The following NKAIN2 variants were observed in gnomAD, a reference collection of about 807,000 sequenced individuals.
The protein encoded by NKAIN2 is sodium/potassium transporting ATPase interacting 2.
NKAIN2 carries 14 observed loss-of-function variants against 32.6 expected under a neutral mutation model. That is an observed-to-expected ratio of 0.43 (90% CI 0.28 to 0.67). The LOEUF (loss-of-function observed/expected upper bound fraction) is 0.67, where lower values mean the gene tolerates loss of function less well. Ranked by LOEUF, NKAIN2 falls within the 30% of genes least tolerant of loss-of-function variation. The pLI is 0.17. For synonymous variants in NKAIN2, 80 were observed against 87.2 expected, an observed-to-expected ratio of 0.92 and a Z score of 0.46; for missense variants, 198 against 258.3, an observed-to-expected ratio of 0.77 and a Z score of 1.60.
intron 3 of NKAIN2, among the ~76,000 whole-genome samples, chr6:124,451,583 ATACAT>A (rs1239236387): frequency 6.6e-6 from 1 of 152,142 alleles, no homozygotes; most frequent in East Asian, 1.9e-4. Context: ...ATTATGATTT[ATACAT>A]TACACCTCAC....
At chr6:123,916,770 T>G (rs1775516494) in intron 1 of NKAIN2, among the ~76,000 whole-genome samples, 1 of 149,266 alleles carries the variant, frequency 6.7e-6, no homozygotes, top group South Asian at 2.2e-4. Flanking sequence ...GTATCTATCT[T>G]ATCTATGTAT....
chr6:123,963,295 G>A (rs1582850190), intron 1 of NKAIN2, among the ~76,000 whole-genome samples: 1 of 152,148 alleles, frequency 6.6e-6, no homozygotes, highest in Non-Finnish European at 1.5e-5. Flanking sequence ...GAGAACAAAA[G>A]ATAAAACTCT....
intron 1 of NKAIN2, among the ~76,000 whole-genome samples, chr6:123,890,588 G>T (rs745339953): frequency 1.3e-5 from 2 of 151,968 alleles, no homozygotes; most frequent in Non-Finnish European, 2.9e-5. Context: ...TCAATCCGAG[G>T]CCTTATGTGA....
intron 1 of NKAIN2, among the ~76,000 whole-genome samples, chr6:124,136,311 C>T (rs1356696746): frequency 6.6e-6 from 1 of 151,990 alleles, no homozygotes; most frequent in Non-Finnish European, 1.5e-5. Flanking sequence ...CAGATTAAAT[C>T]AGGAATAAAT....
At chr6:124,572,310 A>T (rs1781157454) in intron 3 of NKAIN2, among the ~76,000 whole-genome samples, 1 of 152,238 alleles carries the variant, frequency 6.6e-6, no homozygotes. Flanking sequence ...ATAATGTTCA[A>T]CCAGTATGTA....
At chr6:124,218,273 G>C (rs531740523) in intron 1 of NKAIN2, among the ~76,000 whole-genome samples, 5 of 152,052 alleles carry the variant, frequency 3.3e-5, no homozygotes, top group African/African-American at 1.2e-4. Flanking sequence ...GTTTTGGCGC[G>C]TGCGTGGAGT....
chr6:124,398,558 A>G (rs1773494612), intron 3 of NKAIN2, among the ~76,000 whole-genome samples: 1 of 152,132 alleles, frequency 6.6e-6, no homozygotes, highest in African/African-American at 2.4e-5. Flanking sequence ...TTTATAGTTC[A>G]CTCATAGGCT....
Position 124,248,437 on chromosome 6 carries a change from A to AATTT in NKAIN2, c.55-34550_55-34547dup, listed in dbSNP as rs1045872876. 3.3e-5 allele frequency among the ~76,000 whole-genome samples: 5 copies of AATTT among 152,058 alleles called. No individual in the cohort carries two copies. The South Asian group carries it at 6.2e-4, about 19-fold the overall frequency. On this transcript the variant is annotated intron_variant, in intron 1 of 6. Coordinates refer to ENST00000368417, the MANE Select transcript of NKAIN2 (RefSeq NM_001040214.3). ...CACCGAACCTTTTCCCAAATAAACA[A>AATTT]ATTTATTTATTTATTTATTTACTAT...
chr6:124,606,080 G>T (rs753423540), intron 3 of NKAIN2, among the ~76,000 whole-genome samples: 3 of 151,956 alleles, frequency 2.0e-5, no homozygotes, highest in Non-Finnish European at 4.4e-5. Context: ...GTTGAGGTTG[G>T]TGCCATTTTT....
intron 1 of NKAIN2, among the ~76,000 whole-genome samples, chr6:123,923,135 A>C (rs28521346): frequency 6.9e-6 from 1 of 144,352 alleles, no homozygotes; most frequent in Non-Finnish European, 1.6e-5. Context: ...AAAAAAAACA[A>C]AAAAAAGACA....
chr6:124,291,055 G>T (rs1475409520), intron 2 of NKAIN2, among the ~76,000 whole-genome samples: 1 of 152,034 alleles, frequency 6.6e-6, no homozygotes, highest in African/African-American at 2.4e-5. Flanking sequence ...TTCCTGAAAA[G>T]CATGTTTGTG....
At chr6:124,298,626 C>A (rs1264868365) in intron 2 of NKAIN2, among the ~76,000 whole-genome samples, 1 of 152,098 alleles carries the variant, frequency 6.6e-6, no homozygotes, top group Non-Finnish European at 1.5e-5. Context: ...ACACATTCAT[C>A]TGGGATAAAC....
chr6:124,174,771 A>G (rs1789073551), intron 1 of NKAIN2, among the ~76,000 whole-genome samples: 1 of 152,198 alleles, frequency 6.6e-6, no homozygotes, highest in Non-Finnish European at 1.5e-5. Flanking sequence ...CTAATGAAAG[A>G]AAAGCAGGGA....
At chr6:124,509,515 G>A (rs75279588) in intron 3 of NKAIN2, among the ~76,000 whole-genome samples, 2,034 of 152,220 alleles carry the variant, frequency 0.013, 42 homozygotes, top group African/African-American at 0.045. Context: ...CTAGTTAGAC[G>A]TCTTTATTTC....
chr6:124,719,333 A>C (rs1396889442), intron 4 of NKAIN2, among the ~76,000 whole-genome samples: 2 of 152,070 alleles, frequency 1.3e-5, no homozygotes, highest in Non-Finnish European at 1.5e-5. Flanking sequence ...ACTATGGTAC[A>C]TTAAGTCCCT....
At chr6:123,984,613 G>A (rs1463598897) in intron 1 of NKAIN2, among the ~76,000 whole-genome samples, 1 of 152,050 alleles carries the variant, frequency 6.6e-6, no homozygotes, top group East Asian at 1.9e-4. Context: ...CATACCTCTT[G>A]TGAGCTTTTT....
At position 124,065,209 on chromosome 6, in the gene NKAIN2, A is replaced by G. The variant is rs1052481498; in HGVS notation, c.55-217796A>G. Among the ~76,000 whole-genome samples, 8 of 149,216 alleles carry G rather than the reference A, an allele frequency of 5.4e-5. No individual in the cohort carries two copies. The East Asian group carries it at 1.6e-3, about 30-fold the overall frequency. On this transcript the variant is annotated intron_variant, in intron 1 of 6. Transcript: ENST00000368417. ...CTTTCTCTTTTCTTCATCTATCAGA[A>G]AATTACACACACACACACACACACA...
intron 3 of NKAIN2, among the ~76,000 whole-genome samples, chr6:124,407,970 G>A (rs1773948489): frequency 6.6e-6 from 1 of 151,860 alleles, no homozygotes; most frequent in Non-Finnish European, 1.5e-5. Flanking sequence ...TTTTTCATGT[G>A]TTTTTTGGCT....
At chr6:124,069,910 G>A (rs905281590) in intron 1 of NKAIN2, among the ~76,000 whole-genome samples, 5 of 152,252 alleles carry the variant, frequency 3.3e-5, no homozygotes, top group Non-Finnish European at 5.9e-5. Context: ...GTGACAAGTC[G>A]TGATTGTGCC....
Sources: allele counts gnomAD v4.1 joint callset (sites outside exome capture counted in the v4.1 genomes callset), GRCh38; gene constraint gnomAD v4.1.1; transcripts MANE v1.5; gene names NCBI Gene and HGNC (gene_info 2026-07-23, HGNC 2026-07-21).